The following NALF1 variants were observed in gnomAD, a reference collection of about 807,000 sequenced individuals.
NALF1 encodes NALCN channel auxiliary factor 1, also known as family with sequence similarity 155 member A.
NALF1 carries 3 observed loss-of-function variants against 48.4 expected under a neutral mutation model. The observed-to-expected ratio is 0.06, with a 90% CI of 0.03 to 0.16. The LOEUF (loss-of-function observed/expected upper bound fraction) is 0.16. Ranked by LOEUF, NALF1 falls within the 10% of genes least tolerant of loss-of-function variation. NALF1 has a pLI of 1.00. For missense variants in NALF1, 526 were observed against 571.5 expected, an observed-to-expected ratio of 0.92 and a Z score of 0.81; for synonymous variants, 262 against 245.7, an observed-to-expected ratio of 1.07 and a Z score of -0.62.
intron 1 of NALF1, among the ~76,000 whole-genome samples, chr13:107,231,643 C>T (rs529197483): frequency 6.6e-6 from 1 of 152,176 alleles, no homozygotes; most frequent in South Asian, 2.1e-4. Flanking sequence ...CTGTAATATA[C>T]AAAAAAGCTA....
chr13:107,365,447 C>G (rs955012353), intron 1 of NALF1, among the ~76,000 whole-genome samples: 2 of 152,142 alleles, frequency 1.3e-5, no homozygotes, highest in Admixed American at 1.3e-4. Context: ...TCTCTCAGTT[C>G]AGTGTCCTTC....
At chr13:107,519,645 T>A (rs1391849177) in intron 1 of NALF1, among the ~76,000 whole-genome samples, 1 of 152,132 alleles carries the variant, frequency 6.6e-6, no homozygotes, top group African/African-American at 2.4e-5. Context: ...TAACTCTTTA[T>A]CAGCCAAACA....
chr13:107,291,683 T>C (rs1209444160), intron 1 of NALF1, among the ~76,000 whole-genome samples: 2 of 152,208 alleles, frequency 1.3e-5, no homozygotes, highest in African/African-American at 4.8e-5. Context: ...TTATCTGATA[T>C]AGTTTATATT....
rs142445702 is a variant in NALF1, at chr13:107,243,018, C to T, written c.916-32263G>A. Among the ~76,000 whole-genome samples the T allele has an allele frequency of 1.1e-3, 174 of 152,226 alleles. 1 individual carries two copies. The East Asian group carries it at 0.021, about 18-fold the overall frequency. On this transcript the variant is annotated intron_variant, in intron 1 of 2. Transcript: ENST00000375915. ...ACCCACTTTTATTCTGGCCCCAGTG[C>T]GATTCATCTCCACACAGCAGGAAGC...
intron 1 of NALF1, among the ~76,000 whole-genome samples, chr13:107,732,269 T>C (rs1032289674): frequency 3.9e-5 from 6 of 152,104 alleles, no homozygotes; most frequent in African/African-American, 1.4e-4. Flanking sequence ...CTCTATAATA[T>C]GAATACTTAT....
chr13:107,694,474 A>C (rs986084968), intron 1 of NALF1, among the ~76,000 whole-genome samples: 4 of 152,184 alleles, frequency 2.6e-5, no homozygotes, highest in African/African-American at 9.7e-5. Flanking sequence ...ATAGGAATGA[A>C]TTATTGAAAA....
intron 1 of NALF1, among the ~76,000 whole-genome samples, chr13:107,444,108 A>G (rs183278941): frequency 6.6e-6 from 1 of 152,322 alleles, no homozygotes; most frequent in East Asian, 1.9e-4. Flanking sequence ...AACCACAAAA[A>G]TCCTTTACTA....
intron 1 of NALF1, among the ~76,000 whole-genome samples, chr13:107,644,699 C>A: frequency 7.3e-6 from 1 of 137,166 alleles, no homozygotes; most frequent in South Asian, 2.3e-4. Context: ...ATAGCATGCT[C>A]CAGTAGTATA....
intron 1 of NALF1, among the ~76,000 whole-genome samples, chr13:107,832,728 C>G (rs561408633): frequency 1.3e-5 from 2 of 152,314 alleles, no homozygotes; most frequent in East Asian, 1.9e-4. Context: ...CCCTTACAGG[C>G]CCCATCTGGT....
Position 107,668,335 on chromosome 13 carries a change from C to T in NALF1, c.915+197347G>A, listed in dbSNP as rs1007753212. On this transcript the variant is annotated intron_variant, in intron 1 of 2. Transcript: ENST00000375915. Reference sequence around the variant, plus strand: ...AAGTCCCTGATCCTTTCTTTCCTTCCGTATCTTGATGAGGCCCCAAACTCA... The same window carrying T: ...AAGTCCCTGATCCTTTCTTTCCTTCTGTATCTTGATGAGGCCCCAAACTCA... 3.8e-4 allele frequency among the ~76,000 whole-genome samples: 57 copies of T among 151,884 alleles called. 1 individual carries two copies. The highest frequency in any genetic ancestry group is 3.2e-3 in the Admixed American group (49 of 15,214).
chr13:107,845,862 TG>T (rs1880158256), intron 1 of NALF1, among the ~76,000 whole-genome samples: 1 of 152,162 alleles, frequency 6.6e-6, no homozygotes. Context: ...AAGAATTATT[TG>T]TAACTCTTTC....
intron 1 of NALF1, among the ~76,000 whole-genome samples, chr13:107,658,010 A>T (rs1025040180): frequency 2.6e-5 from 4 of 152,170 alleles, no homozygotes; most frequent in African/African-American, 9.7e-5. Context: ...TGTTCGAGAC[A>T]TTAGTTATTT....
At chr13:107,290,157 A>T (rs1036607090) in intron 1 of NALF1, among the ~76,000 whole-genome samples, 2 of 150,412 alleles carry the variant, frequency 1.3e-5, no homozygotes, top group Non-Finnish European at 2.9e-5. Context: ...CATGACCCCT[A>T]ATCCCCCACA....
intron 1 of NALF1, among the ~76,000 whole-genome samples, chr13:107,366,810 G>C (rs1168237203): frequency 6.6e-6 from 1 of 152,132 alleles, no homozygotes; most frequent in East Asian, 1.9e-4. Context: ...TCAATATACA[G>C]TTTCCACATT....
At chr13:107,545,853 A>G (rs1219336408) in intron 1 of NALF1, among the ~76,000 whole-genome samples, 1 of 152,148 alleles carries the variant, frequency 6.6e-6, no homozygotes, top group Admixed American at 6.6e-5. Context: ...CTGGAATTGC[A>G]TGAGTAAATG....
At chr13:107,703,388 AGT>A (rs1881872921) in intron 1 of NALF1, among the ~76,000 whole-genome samples, 1 of 142,480 alleles carries the variant, frequency 7.0e-6, no homozygotes, top group Non-Finnish European at 1.5e-5. Flanking sequence ...TTTTGGACAG[AGT>A]CTCGCACTGT....
intron 1 of NALF1, among the ~76,000 whole-genome samples, chr13:107,618,190 T>C (rs984511023): frequency 1.3e-5 from 2 of 151,496 alleles, no homozygotes; most frequent in Non-Finnish European, 2.9e-5. Context: ...AAAAGAGATT[T>C]CAGCTGAGAT....
In NALF1 at chr13:107,267,826, C is replaced by T. The variant is rs992424279; in HGVS notation, c.916-57071G>A. Among the ~76,000 whole-genome samples the T allele has an allele frequency of 5.3e-5, 8 of 152,130 alleles. No homozygotes were observed. In the East Asian group the frequency reaches 7.7e-4, roughly 15 times the overall value. ...ACCACACCAGTCGATCTGATAACCG[C>T]GATGGCTACTAAGCGACTAACAGGC... On this transcript the variant is annotated intron_variant, in intron 1 of 2. Coordinates refer to ENST00000375915, the MANE Select transcript of NALF1 (RefSeq NM_001080396.3).
chr13:107,325,880 A>ATG, intron 1 of NALF1, among the ~76,000 whole-genome samples: 1 of 104,752 alleles, frequency 9.5e-6, no homozygotes, highest in Non-Finnish European at 2.1e-5. Context: ...ATATATATAT[A>ATG]TATATATACA....
Sources: allele counts gnomAD v4.1 joint callset (sites outside exome capture counted in the v4.1 genomes callset), GRCh38; gene constraint gnomAD v4.1.1; transcripts MANE v1.5; gene names NCBI Gene and HGNC (gene_info 2026-07-23, HGNC 2026-07-21).